The following ARB2A variants were observed in gnomAD, a reference collection of about 807,000 sequenced individuals.
ARB2A encodes cotranscriptional regulator ARB2A.
At chr5:93,821,325 T>G in the ARB2A span, among the ~76,000 whole-genome samples, 2 of 152,130 alleles carry the variant, frequency 1.3e-5, no homozygotes, top group Admixed American at 6.5e-5. Context: ...TGTGTGTGTA[T>G]GTGTGTGTGT....
the ARB2A span, among the ~76,000 whole-genome samples, chr5:94,074,429 C>T: frequency 2.0e-5 from 3 of 151,944 alleles, no homozygotes; most frequent in African/African-American, 7.2e-5. Flanking sequence ...ATTAATAATT[C>T]TTATAGATGC....
the ARB2A span, among the ~76,000 whole-genome samples, chr5:93,846,000 G>GACACAC: frequency 5.1e-3 from 746 of 146,764 alleles, 2 homozygotes; most frequent in Middle Eastern, 0.01. Context: ...CTCTCTCTGT[G>GACACAC]ACACACACAC....
chr5:93,954,841 G>A, the ARB2A span, among the ~76,000 whole-genome samples: 3 of 152,106 alleles, frequency 2.0e-5, no homozygotes, highest in Non-Finnish European at 4.4e-5. Context: ...TTGCTAGGAT[G>A]GGTGATTCCT....
At chr5:94,108,896 C>T in the ARB2A span, among the ~76,000 whole-genome samples, 1 of 152,050 alleles carries the variant, frequency 6.6e-6, no homozygotes, top group Non-Finnish European at 1.5e-5. Context: ...ATAAAATTTC[C>T]ATGTGATCTA....
chr5:94,038,376 C>T, the ARB2A span, among the ~76,000 whole-genome samples: 38 of 152,018 alleles, frequency 2.5e-4, no homozygotes, highest in African/African-American at 8.2e-4. Context: ...AGAGTTACCA[C>T]TTCACACCAC....
chr5:94,052,223 G>A, the ARB2A span, among the ~76,000 whole-genome samples: 1 of 151,966 alleles, frequency 6.6e-6, no homozygotes, highest in Non-Finnish European at 1.5e-5. Context: ...GTATTCCCGG[G>A]GTAATCAGGA....
chr5:94,049,901 T>C, the ARB2A span, among the ~76,000 whole-genome samples: 184 of 152,328 alleles, frequency 1.2e-3, 1 homozygote, highest in African/African-American at 4.3e-3. Flanking sequence ...CTACAAAATA[T>C]TATAGTCATG....
chr5:93,632,725 G>C, the ARB2A span, among the ~76,000 whole-genome samples: 18 of 152,084 alleles, frequency 1.2e-4, no homozygotes, highest in African/African-American at 3.9e-4. Flanking sequence ...CCTTTACACG[G>C]CTCAGAGTAC....
the ARB2A span, among the ~76,000 whole-genome samples, chr5:94,060,381 T>C: frequency 6.6e-6 from 1 of 151,900 alleles, no homozygotes; most frequent in Non-Finnish European, 1.5e-5. Context: ...GGAATATTAG[T>C]GACAACCCTA....
chr5:93,974,581 GA>G, the ARB2A span, among the ~76,000 whole-genome samples: 1 of 152,026 alleles, frequency 6.6e-6, no homozygotes, highest in Admixed American at 6.5e-5. Flanking sequence ...ACTTAAATTT[GA>G]CACTTAATTA....
the ARB2A span, among the ~76,000 whole-genome samples, chr5:93,927,178 T>C: frequency 1.3e-5 from 2 of 152,080 alleles, no homozygotes; most frequent in Non-Finnish European, 2.9e-5. Flanking sequence ...AAAAGGAGTA[T>C]GCTCTTAGTG....
At chr5:93,813,201 C>T in the ARB2A span, among the ~76,000 whole-genome samples, 1 of 152,104 alleles carries the variant, frequency 6.6e-6, no homozygotes, top group Non-Finnish European at 1.5e-5. Context: ...CTGATGAGGT[C>T]TCAGATGAAA....
the ARB2A span, among the ~76,000 whole-genome samples, chr5:93,644,869 CT>C: frequency 2.0e-5 from 3 of 152,084 alleles, no homozygotes; most frequent in Non-Finnish European, 4.4e-5. Context: ...TTCTTTCATT[CT>C]TTATATTCAT....
chr5:93,766,425 G>C, the ARB2A span, among the ~76,000 whole-genome samples: 6 of 152,170 alleles, frequency 3.9e-5, no homozygotes, highest in African/African-American at 1.4e-4. Context: ...GCAGCCAAAA[G>C]ACACATGAAA....
At chr5:93,917,740 A>G in the ARB2A span, among the ~76,000 whole-genome samples, 1 of 151,986 alleles carries the variant, frequency 6.6e-6, no homozygotes, top group African/African-American at 2.4e-5. Context: ...TTAGCCACAC[A>G]TGGCAGCACT....
chr5:94,025,818 C>T, the ARB2A span, among the ~76,000 whole-genome samples: 1 of 152,190 alleles, frequency 6.6e-6, no homozygotes, highest in Non-Finnish European at 1.5e-5. Flanking sequence ...TGGCCAGTGA[C>T]GCCCCTGCCG....
At chr5:93,985,459 C>T in the ARB2A span, among the ~76,000 whole-genome samples, 37 of 152,034 alleles carry the variant, frequency 2.4e-4, no homozygotes, top group Admixed American at 1.3e-3. Flanking sequence ...CCGCTTTCCA[C>T]GGTCTCCCTC....
the ARB2A span, among the ~76,000 whole-genome samples, chr5:94,095,570 T>C: frequency 6.6e-6 from 1 of 151,856 alleles, no homozygotes; most frequent in African/African-American, 2.4e-5. Flanking sequence ...ATTAGACTGC[T>C]AATAGCTATT....
the ARB2A span, among the ~76,000 whole-genome samples, chr5:93,654,251 C>G: frequency 1.8e-4 from 28 of 152,036 alleles, no homozygotes. Context: ...TTATGGTGAC[C>G]ATAAGCAAGG....
Sources: allele counts gnomAD v4.1 joint callset (sites outside exome capture counted in the v4.1 genomes callset), GRCh38; gene constraint gnomAD v4.1.1; transcripts MANE v1.5; gene names NCBI Gene and HGNC (gene_info 2026-07-23, HGNC 2026-07-21).